HDAC4: variants seen among roughly 807,000 people sequenced by gnomAD.
HDAC4 encodes the protein histone deacetylase A.
In HDAC4, 16 loss-of-function variants were observed where a neutral mutation model predicts 135.1. The ratio of observed to expected loss-of-function variants is 0.12; its 90% confidence interval spans 0.08 to 0.18. The LOEUF (loss-of-function observed/expected upper bound fraction) is 0.18, where lower values mean the gene tolerates loss of function less well. Ranked by LOEUF, HDAC4 falls within the 10% of genes least tolerant of loss-of-function variation. The probability of loss-of-function intolerance (pLI) is 1.00; values close to 1 mark genes in which losing one functional copy is unlikely to be tolerated. For synonymous variants in HDAC4, 685 were observed against 653.4 expected (o/e 1.05, Z -0.74); for missense variants, 1,143 against 1,511.8 (o/e 0.76, Z 4.05).
At chr2:239,092,366 G>A (rs952359570) in intron 17 of HDAC4, among the ~76,000 whole-genome samples, 3 of 152,102 alleles carry the variant, frequency 2.0e-5, no homozygotes, top group Non-Finnish European at 2.9e-5. Flanking sequence ...GCCAGGCCCC[G>A]AGGCTGCCCC....
chr2:239,111,555 T>A lies in HDAC4; in HGVS notation c.1949A>T (p.Glu650Val), dbSNP rs2152799189. The change falls in exon 14 of 27, where the codon GAG becomes GTG. Residue 650 changes from glutamate (E) to valine (V), a missense_variant. This residue lies in a region of HDAC4 where 196 missense variants were observed against 210.7 expected (regional missense o/e 0.93). Coordinates refer to ENST00000543185, the MANE Select transcript of HDAC4 (RefSeq NM_001378414.1). ...CGTGAACCTCGGCTTGGTGGGGGGC[T>A]CCTGCACAGACACGGGGAAGGTGGC... ...ASATFPVSVQ[E>V]PPTKPRFTTG... is the part of the protein sequence containing the mutation. The A allele has an allele frequency of 6.2e-7, 1 of 1,612,338 alleles. No individual in the cohort carries two copies. The highest frequency in any genetic ancestry group is 8.5e-7 in the Non-Finnish European group (1 of 1,179,752).
rs183740579 is a variant in HDAC4 at position 239,250,056 on chromosome 2, G to A, written c.23-13392C>T. The stretch of plus-strand genomic sequence containing the variant: ...CGCCTCTGGAAGGAGGCCCAGCGCA[G>A]CATCCTCCGTGATGGCCACCGCGGC... On this transcript the variant is annotated intron_variant, in intron 2 of 26. Transcript: ENST00000543185. 5.3e-4 allele frequency among the ~76,000 whole-genome samples: 81 copies of A among 152,382 alleles called. 1 individual carries two copies. Among genetic ancestry groups the A allele is most frequent in the Admixed American group, 2.2e-3 (34 of 15,314 alleles).
intron 9 of HDAC4, among the ~76,000 whole-genome samples, chr2:239,135,436 A>G (rs780105344): frequency 3.3e-5 from 5 of 152,228 alleles, no homozygotes; most frequent in Non-Finnish European, 7.3e-5. Context: ...GAAGGCGCTC[A>G]GGAAAACACA....
At chr2:239,211,029 C>T (rs989712533) in intron 3 of HDAC4, among the ~76,000 whole-genome samples, 3 of 152,188 alleles carry the variant, frequency 2.0e-5, no homozygotes, top group African/African-American at 7.2e-5. Context: ...GCCTGTCCTG[C>T]TTTACTGGAC....
intron 12 of HDAC4, among the ~76,000 whole-genome samples, chr2:239,121,653 G>A (rs1044541495): frequency 1.3e-5 from 2 of 152,258 alleles, no homozygotes; most frequent in Non-Finnish European, 2.9e-5. Flanking sequence ...CCTCGGCCTG[G>A]AGGAGGGATC....
chr2:239,314,391 T>C (rs930347752), intron 2 of HDAC4, among the ~76,000 whole-genome samples: 1 of 152,162 alleles, frequency 6.6e-6, no homozygotes, highest in Non-Finnish European at 1.5e-5. Context: ...CCAGATCCTG[T>C]CACTTAGTGA....
chr2:239,161,721 G>A (rs1453070350), intron 6 of HDAC4: 3 of 349,440 alleles, frequency 8.6e-6, no homozygotes, highest in East Asian at 8.2e-5. Flanking sequence ...AGGGCACGCC[G>A]CCCTTGTCCA....
In HDAC4 at chr2:239,237,592, A is replaced by AAC. The variant is rs1432451060; in HGVS notation, c.23-929_23-928insGT. ...GTCAAATGACTGCAAAAAAAAAAAA[A>AAC]CCCATTTTTTTATCCAAAATAGATA... On this transcript the variant is annotated intron_variant, in intron 2 of 26. Transcript: ENST00000543185. Among the ~76,000 whole-genome samples the AAC allele has an allele frequency of 3.3e-5, 5 of 151,204 alleles. No individual in the cohort carries two copies. The East Asian group carries it at 7.8e-4, about 24-fold the overall frequency.
At chr2:239,259,105 T>C (rs2049205594) in intron 2 of HDAC4, among the ~76,000 whole-genome samples, 1 of 152,156 alleles carries the variant, frequency 6.6e-6, no homozygotes, top group Non-Finnish European at 1.5e-5. Flanking sequence ...TTTTTGAATA[T>C]AATGCAACTA....
At chr2:239,114,284 G>A (rs543334221) in intron 13 of HDAC4, among the ~76,000 whole-genome samples, 2 of 152,304 alleles carry the variant, frequency 1.3e-5, no homozygotes, top group East Asian at 1.9e-4. Context: ...GGGAGGGAAC[G>A]AGCCAGTGGC....
rs888532976 is a variant in HDAC4 at position 239,349,158 on chromosome 2, A to G, written c.22+3520T>C. Among the ~76,000 whole-genome samples the G allele has an allele frequency of 6.6e-6, 1 of 152,166 alleles. No individual in the cohort carries two copies. The highest frequency in any genetic ancestry group is 1.5e-5 in the Non-Finnish European group (1 of 68,022). ...GGGCCCCCATGCCAGATGGGCAGGC[A>G]AGGGTGAGCCAGGCAGGCAAGAGTG... is the stretch of plus-strand genomic sequence containing the variant. On this transcript the variant is annotated intron_variant, in intron 2 of 26. Transcript: ENST00000543185. This position sits in a 1 kb window ranked among gnomAD's most constrained non-coding sequence, Gnocchi z 5.7.
At chr2:239,181,513 C>A (rs1162759090) in intron 4 of HDAC4, among the ~76,000 whole-genome samples, 1 of 152,264 alleles carries the variant, frequency 6.6e-6, no homozygotes, top group African/African-American at 2.4e-5. Flanking sequence ...TGTATCTTTC[C>A]CATGGCAAAA....
At chr2:239,140,715 A>G (rs2041303969) in intron 8 of HDAC4, among the ~76,000 whole-genome samples, 1 of 152,188 alleles carries the variant, frequency 6.6e-6, no homozygotes, top group South Asian at 2.1e-4. Flanking sequence ...ACAGGTCAGA[A>G]GGAAGGGACA....
intron 3 of HDAC4, among the ~76,000 whole-genome samples, chr2:239,199,651 G>A (rs1045345230): frequency 2.0e-5 from 3 of 152,130 alleles, no homozygotes; most frequent in Non-Finnish European, 2.9e-5. Context: ...TGGTTGGATC[G>A]GGCGGCCCTC....
At chr2:239,186,288 T>C (rs2044546409) in intron 4 of HDAC4, among the ~76,000 whole-genome samples, 1 of 152,218 alleles carries the variant, frequency 6.6e-6, no homozygotes, top group South Asian at 2.1e-4. Flanking sequence ...TAAAACTCTA[T>C]TCAAATTCAC....
rs376553257 is a variant in HDAC4, at chr2:239,189,942, G to T, written c.230C>A (p.Ala77Glu). Reference sequence around the variant, plus strand: ...CTGGATCTGCTGCTTCTGCTTGAGCGCCAGGAGCTCCTGCTGCAGCTGCTG... The same window carrying T: ...CTGGATCTGCTGCTTCTGCTTGAGCTCCAGGAGCTCCTGCTGCAGCTGCTG... ...REQQLQQELL[A>E]LKQKQQIQRQ... Residue 77 changes from alanine (A) to glutamate (E), a missense_variant, in exon 4 of 27, where the codon GCG becomes GAG. Physicochemically the swap from Ala to Glu is moderately radical, Grantham distance 107 (BLOSUM62 -1). Coordinates refer to ENST00000543185, the MANE Select transcript of HDAC4 (RefSeq NM_001378414.1). 100 of 1,609,864 alleles carry T rather than the reference G, an allele frequency of 6.2e-5. No homozygotes were observed. Among genetic ancestry groups the T allele is most frequent in the Non-Finnish European group, 8.4e-5 (99 of 1,179,876 alleles).
rs1230423464 is a variant in HDAC4, at chr2:239,068,612, A to G, written c.2751-5T>C. 1 of 1,611,742 alleles carries G rather than the reference A, an allele frequency of 6.2e-7. No homozygotes were observed. The highest frequency in any genetic ancestry group is 8.5e-7 in the Non-Finnish European group (1 of 1,178,092). ...GCGATCGGCATGACCACCGTTCTGC[A>G]AAGGACAGGAGAAGGCGTTACTGGG... On this transcript the variant is annotated splice_polypyrimidine_tract_variant and splice_region_variant and intron_variant, in intron 22 of 26. Transcript: ENST00000543185. This position sits in a 1 kb window ranked among gnomAD's most constrained non-coding sequence, Gnocchi z 4.4.
intron 5 of HDAC4, among the ~76,000 whole-genome samples, chr2:239,175,993 G>C (rs1301648165): frequency 1.3e-5 from 2 of 152,204 alleles, no homozygotes; most frequent in East Asian, 3.9e-4. Context: ...TCCCTGTCAG[G>C]GGGTGGGGGT....
intron 3 of HDAC4, among the ~76,000 whole-genome samples, chr2:239,231,337 G>A (rs963438359): frequency 6.6e-6 from 1 of 152,172 alleles, no homozygotes; most frequent in Non-Finnish European, 1.5e-5. Flanking sequence ...ATTTTCTGAG[G>A]ATGTCTTTCT....
Sources: gnomAD v4.1 joint callset for allele counts (sites outside exome capture counted in the v4.1 genomes callset) on GRCh38, gnomAD v4.1.1 for gene constraint, gnomAD v4.1.1 regional missense constraint, Gnocchi (gnomAD v3.1) non-coding constraint, MANE v1.5 for transcripts, NCBI Gene and HGNC (gene_info 2026-07-23, HGNC 2026-07-21) for gene names.